PALS2: variants seen among roughly 807,000 people sequenced by gnomAD.
PALS2 encodes protein PALS2.
Under a neutral mutation model 61.6 loss-of-function variants are expected in PALS2, and 27 were observed. The observed-to-expected ratio is 0.44, with a 90% CI of 0.32 to 0.60. The LOEUF (loss-of-function observed/expected upper bound fraction) is 0.60, where lower values mean the gene tolerates loss of function less well. Ranked by LOEUF, PALS2 falls within the 20% of genes least tolerant of loss-of-function variation. PALS2 has a pLI of 0.05. For synonymous variants in PALS2, 236 were observed against 218.6 expected, an observed-to-expected ratio of 1.08 and a Z score of -0.70; for missense variants, 554 against 639.4, an observed-to-expected ratio of 0.87 and a Z score of 1.44.
chr7:24,664,025 T>C (rs770617529), intron 6 of PALS2, among the ~76,000 whole-genome samples: 13 of 152,212 alleles, frequency 8.5e-5, no homozygotes, highest in Non-Finnish European at 1.8e-4. Flanking sequence ...AAGAACTCAC[T>C]TGGGTCATCC....
intron 1 of PALS2, among the ~76,000 whole-genome samples, chr7:24,616,028 G>A (rs1049509014): frequency 6.6e-6 from 1 of 152,070 alleles, no homozygotes; most frequent in Non-Finnish European, 1.5e-5. Context: ...CAATAAATTA[G>A]GTAGAGAAGA....
intron 3 of PALS2, among the ~76,000 whole-genome samples, chr7:24,646,547 G>A (rs996441504): frequency 1.1e-4 from 17 of 152,106 alleles, no homozygotes; most frequent in Non-Finnish European, 2.5e-4. Context: ...CGATTGATTT[G>A]GTTTGCAAGT....
intron 2 of PALS2, among the ~76,000 whole-genome samples, chr7:24,633,740 GT>G (rs1785113153): frequency 6.6e-6 from 1 of 151,994 alleles, no homozygotes; most frequent in East Asian, 1.9e-4. Context: ...TGTAGACGTA[GT>G]TTTTTATTTC....
intron 2 of PALS2, among the ~76,000 whole-genome samples, chr7:24,636,788 A>T (rs774789399): frequency 0.063 from 9,606 of 152,186 alleles, 343 homozygotes; most frequent in African/African-American, 0.093. Flanking sequence ...ATTGATTTGT[A>T]GAAGTCCTTC....
rs1056625491 is a variant in PALS2 at position 24,687,794 on chromosome 7, G to A, written c.*180G>A. ...TTTATATAAAATGTGGTTGGAAGGTGTACTAATATATAATTTATCTTAATT... is the reference window on the plus strand; with the variant it reads ...TTTATATAAAATGTGGTTGGAAGGTATACTAATATATAATTTATCTTAATT... On this transcript the variant is annotated 3_prime_UTR_variant, in exon 12 of 12. Coordinates refer to ENST00000222644, the MANE Select transcript of PALS2 (RefSeq NM_001303037.2). This position sits in a 1 kb window ranked among gnomAD's most constrained non-coding sequence, Gnocchi z 4.5. The A allele has an allele frequency of 8.5e-6, 4 of 473,362 alleles. No individual in the cohort carries two copies. Among genetic ancestry groups the A allele is most frequent in the African/African-American group, 6.1e-5 (3 of 49,348 alleles). The allele number at this position is 473,362 out of a possible 1,614,324, so 29.3% of individuals were successfully genotyped here. A position where few individuals can be genotyped will look rare whatever the true frequency, so the allele number is the denominator to read the frequency against.
chr7:24,681,912 G>T (rs535245202), intron 11 of PALS2, among the ~76,000 whole-genome samples: 1 of 152,066 alleles, frequency 6.6e-6, no homozygotes, highest in East Asian at 1.9e-4. Flanking sequence ...CTTTCTGAAC[G>T]TATGAAACAT....
chr7:24,607,676 CAT>C lies in PALS2; in HGVS notation c.-2-15987_-2-15986del, dbSNP rs200134387. On this transcript the variant is annotated intron_variant, in intron 1 of 11. Coordinates refer to ENST00000222644, the MANE Select transcript of PALS2 (RefSeq NM_001303037.2). ...ATGCGTATGTATACACACACATATA[CAT>C]ATGTGTGTGTATGTGTATTTGTTTT... Among the ~76,000 whole-genome samples, 36 of 151,056 alleles carry C rather than the reference CAT, an allele frequency of 2.4e-4. No homozygotes were observed. In the East Asian group the frequency reaches 4.9e-3, roughly 20 times the overall value.
intron 1 of PALS2, among the ~76,000 whole-genome samples, chr7:24,613,964 C>T (rs1784203301): frequency 6.6e-6 from 1 of 151,876 alleles, no homozygotes; most frequent in South Asian, 2.1e-4. Flanking sequence ...ATATATACCA[C>T]ATTTGCTTTA....
chr7:24,608,473 G>T (rs748741745), intron 1 of PALS2, among the ~76,000 whole-genome samples: 7 of 152,030 alleles, frequency 4.6e-5, no homozygotes, highest in African/African-American at 1.7e-4. Context: ...GGTAGTGTTG[G>T]ATTTGCTTCT....
At chr7:24,670,016 G>C (rs1158382049) in intron 9 of PALS2, among the ~76,000 whole-genome samples, 3 of 152,070 alleles carry the variant, frequency 2.0e-5, no homozygotes, top group Admixed American at 2.0e-4. Flanking sequence ...CCTCACTTAT[G>C]AAAAACAGTC....
At chr7:24,683,254 T>C (rs1442341761) in intron 11 of PALS2, among the ~76,000 whole-genome samples, 2 of 152,212 alleles carry the variant, frequency 1.3e-5, no homozygotes, top group African/African-American at 4.8e-5. Flanking sequence ...TAGTTGATTA[T>C]TCTGAGGTAC....
chr7:24,586,012 G>A (rs899816337), intron 1 of PALS2, among the ~76,000 whole-genome samples: 6 of 152,050 alleles, frequency 3.9e-5, no homozygotes, highest in Admixed American at 2.6e-4. Context: ...ACTCTCCAGG[G>A]AAATTTTCAC....
At chr7:24,619,457 C>A (rs949547386) in intron 1 of PALS2, among the ~76,000 whole-genome samples, 3 of 151,898 alleles carry the variant, frequency 2.0e-5, no homozygotes, top group African/African-American at 7.2e-5. Flanking sequence ...GTAGCTCACG[C>A]CTGTAATCCC....
chr7:24,586,005 C>G (rs1390977704), intron 1 of PALS2, among the ~76,000 whole-genome samples: 1 of 152,170 alleles, frequency 6.6e-6, no homozygotes, highest in Non-Finnish European at 1.5e-5. Flanking sequence ...ATTTGTTACT[C>G]TCCAGGGAAA....
At chr7:24,625,417 T>C (rs1008542919) in intron 2 of PALS2, among the ~76,000 whole-genome samples, 4 of 152,234 alleles carry the variant, frequency 2.6e-5, no homozygotes, top group Non-Finnish European at 5.9e-5. Flanking sequence ...TCACAACAAC[T>C]TTATGAATTT....
At chr7:24,665,538 G>T (rs776727475) in intron 6 of PALS2, 50 bp from the exon 7 acceptor site, 9 of 1,521,328 alleles carry the variant, frequency 5.9e-6, no homozygotes, top group Non-Finnish European at 7.3e-6. Flanking sequence ...AATAGAATAT[G>T]GTCTCAAATT....
At chr7:24,607,306 T>C (rs909761248) in intron 1 of PALS2, among the ~76,000 whole-genome samples, 1 of 152,214 alleles carries the variant, frequency 6.6e-6, no homozygotes, top group Middle Eastern at 3.4e-3. Context: ...ATTATTATTC[T>C]AACATATAAT....
In PALS2 at chr7:24,687,507, T is replaced by A. The variant is rs1049551707; in HGVS notation, c.1516T>A (p.Leu506Met). ...IQRAYNHYFDLIIINDNLDKA... is the reference protein window; with the variant it reads ...IQRAYNHYFDMIIINDNLDKA... Reference sequence around the variant, plus strand: ...GAGAGCATACAACCACTATTTTGATTTGATCATCATAAATGATAATCTAGA... The same window carrying A: ...GAGAGCATACAACCACTATTTTGATATGATCATCATAAATGATAATCTAGA... Residue 506 changes from leucine to methionine, a missense_variant, in exon 12 of 12, where the codon TTG (leucine) becomes ATG (methionine). Leu to Met is a conservative substitution (Grantham distance 15). Transcript: ENST00000222644. The surrounding 1 kb of genome is among the most constrained non-coding windows in gnomAD (Gnocchi z 4.5). 12 of 1,613,200 alleles carry A rather than the reference T, an allele frequency of 7.4e-6. No individual in the cohort carries two copies. Among genetic ancestry groups the A allele is most frequent in the Non-Finnish European group, 1.0e-5 (12 of 1,179,750 alleles).
intron 9 of PALS2, among the ~76,000 whole-genome samples, chr7:24,678,064 A>G (rs551529696): frequency 6.6e-6 from 1 of 152,358 alleles, no homozygotes; most frequent in African/African-American, 2.4e-5. Context: ...CTTAGCTAAT[A>G]GAAACAGGAT....
Sources: gnomAD v4.1 joint callset for allele counts (sites outside exome capture counted in the v4.1 genomes callset) on GRCh38, gnomAD v4.1.1 for gene constraint, Gnocchi (gnomAD v3.1) non-coding constraint, MANE v1.5 for transcripts, NCBI Gene and HGNC (gene_info 2026-07-23, HGNC 2026-07-21) for gene names.